Variants in STARD13 observed in about 807,000 individuals in gnomAD.
The protein encoded by STARD13 is StAR related lipid transfer domain containing 13.
In STARD13, 62 loss-of-function variants were observed where a neutral mutation model predicts 106.4. The ratio of observed to expected loss-of-function variants is 0.58; its 90% CI spans 0.48 to 0.72. STARD13 has a LOEUF of 0.72. STARD13 is among the 30% of genes least tolerant of loss of function. The pLI, the probability that STARD13 is intolerant of heterozygous loss-of-function variation, is 0.00. For missense variants in STARD13, 1,387 were observed against 1,424.0 expected (o/e 0.97, Z 0.42); for synonymous variants, 565 against 553.0 (o/e 1.02, Z -0.31).
chr13:33,145,456 A>G (rs1175891860), intron 3 of STARD13, among the ~76,000 whole-genome samples: 1 of 152,222 alleles, frequency 6.6e-6, no homozygotes, highest in Admixed American at 6.5e-5. Context: ...TTAGTACTTG[A>G]TCTAGCAATT....
Position 33,126,112 on chromosome 13 carries a change from A to G in STARD13, c.2051T>C (p.Leu684Pro). 6.2e-7 allele frequency: 1 copy of G among 1,614,144 alleles called. No individual in the cohort carries two copies. The highest frequency in any genetic ancestry group is 8.5e-7 in the Non-Finnish European group (1 of 1,180,020). The change falls in exon 7 of 14, where the codon CTG becomes CCG. Residue 684 changes from leucine to proline, a missense_variant. By Grantham distance (98) the Leu-to-Pro change is moderately conservative. Coordinates refer to ENST00000336934, the MANE Select transcript of STARD13 (RefSeq NM_178006.4). Reference sequence around the variant, plus strand: ...GAGGCAGTTGCTGCGTAGATATCTCAGTGCTTGCTGAATACTTTGAGGCAG... The same window carrying G: ...GAGGCAGTTGCTGCGTAGATATCTCGGTGCTTGCTGAATACTTTGAGGCAG... ...QPLPQSIQQA[L>P]RYLRSNCLDQ... is the part of the protein sequence containing the mutation.
chr13:33,177,556 T>C (rs533215739), intron 1 of STARD13, among the ~76,000 whole-genome samples: 8 of 152,176 alleles, frequency 5.3e-5, no homozygotes, highest in Non-Finnish European at 1.2e-4. Flanking sequence ...GGGATATCAC[T>C]GGATTTTAGC....
the STARD13 span, among the ~76,000 whole-genome samples, chr13:33,627,864 A>G: frequency 6.6e-6 from 1 of 152,120 alleles, no homozygotes; most frequent in Admixed American, 6.5e-5. Flanking sequence ...CAGCAACCAC[A>G]ATAGTGAGAT....
At chr13:33,357,556 T>A in the STARD13 span, among the ~76,000 whole-genome samples, 1 of 152,204 alleles carries the variant, frequency 6.6e-6, no homozygotes, top group Non-Finnish European at 1.5e-5. Context: ...CAGCAGCTAC[T>A]CTTTAGAAAA....
the STARD13 span, among the ~76,000 whole-genome samples, chr13:33,607,679 T>G: frequency 6.6e-6 from 1 of 152,186 alleles, no homozygotes; most frequent in East Asian, 1.9e-4. Flanking sequence ...AAAAAATTCA[T>G]TCTTGATATT....
At chr13:33,640,904 A>C in the STARD13 span, among the ~76,000 whole-genome samples, 1 of 152,252 alleles carries the variant, frequency 6.6e-6, no homozygotes, top group Non-Finnish European at 1.5e-5. Context: ...GGTCACTGAT[A>C]TGAGGCACAT....
At chr13:33,397,089 A>C in the STARD13 span, among the ~76,000 whole-genome samples, 429 of 152,350 alleles carry the variant, frequency 2.8e-3, no homozygotes, top group Admixed American at 4.6e-3. Flanking sequence ...CCTTGAGTCC[A>C]TTGGGATTCA....
the STARD13 span, among the ~76,000 whole-genome samples, chr13:33,399,465 C>T: frequency 2.4e-4 from 36 of 152,048 alleles, no homozygotes; most frequent in African/African-American, 4.6e-4. Flanking sequence ...GAGGCCGAGG[C>T]GGGTGGATCA....
At chr13:33,313,928 T>C (rs1357600774) in intron 1 of STARD13, among the ~76,000 whole-genome samples, 1 of 152,162 alleles carries the variant, frequency 6.6e-6, no homozygotes, top group Non-Finnish European at 1.5e-5. Context: ...TCTCTGACCT[T>C]CTTTGGGCTA....
At chr13:33,664,906 G>T in the STARD13 span, among the ~76,000 whole-genome samples, 1 of 152,164 alleles carries the variant, frequency 6.6e-6, no homozygotes. Context: ...GATTACAGGC[G>T]TGAGCCACTA....
chr13:33,555,200 T>G, the STARD13 span, among the ~76,000 whole-genome samples: 1 of 152,368 alleles, frequency 6.6e-6, no homozygotes, highest in African/African-American at 2.4e-5. Context: ...GCCCTCTCAA[T>G]CCATTCCTCT....
At chr13:33,382,495 A>G in the STARD13 span, among the ~76,000 whole-genome samples, 1 of 152,074 alleles carries the variant, frequency 6.6e-6, no homozygotes, top group Non-Finnish European at 1.5e-5. Context: ...TTATTTGTTT[A>G]CTGTTGGTCC....
exon 1 of STARD13, chr13:33,350,600 C>T: frequency 1.4e-6 from 2 of 1,384,544 alleles, no homozygotes; most frequent in South Asian, 1.6e-5. Context: ...ACCGGGATGC[C>T]TGGCCACCAG....
chr13:33,568,014 A>G, the STARD13 span, among the ~76,000 whole-genome samples: 1 of 144,524 alleles, frequency 6.9e-6, no homozygotes, highest in Admixed American at 7.1e-5. Flanking sequence ...TTTTATGGAT[A>G]ATGGTATTTA....
At chr13:33,175,321 T>A (rs1594041808) in intron 1 of STARD13, among the ~76,000 whole-genome samples, 2 of 152,158 alleles carry the variant, frequency 1.3e-5, no homozygotes, top group East Asian at 3.8e-4. Context: ...CCCAAGAGAT[T>A]CTTCAAGATG....
intron 1 of STARD13, among the ~76,000 whole-genome samples, chr13:33,179,433 A>C (rs1431862561): frequency 6.6e-6 from 1 of 152,214 alleles, no homozygotes; most frequent in African/African-American, 2.4e-5. Flanking sequence ...GGAGCACAGC[A>C]TTTGCTACTA....
chr13:33,111,755 G>A (rs752250567), intron 10 of STARD13, 23 bp downstream of exon 10: 18 of 1,468,412 alleles, frequency 1.2e-5, no homozygotes, highest in Admixed American at 6.7e-5. Flanking sequence ...CTAGGGAGGC[G>A]GAGGTTCGAG....
chr13:33,169,802 C>A (rs1234411650), intron 1 of STARD13, among the ~76,000 whole-genome samples: 2 of 152,162 alleles, frequency 1.3e-5, no homozygotes, highest in Admixed American at 6.5e-5. Context: ...AGAGTTCGCA[C>A]CCCTCCAGCC....
At chr13:33,133,943 TG>T (rs1566013620) in intron 4 of STARD13, among the ~76,000 whole-genome samples, 1 of 150,968 alleles carries the variant, frequency 6.6e-6, no homozygotes, top group Non-Finnish European at 1.5e-5. Flanking sequence ...AGATTTCATC[TG>T]TTTGATAATT....
Sources: allele counts gnomAD v4.1 joint callset (sites outside exome capture counted in the v4.1 genomes callset), GRCh38; gene constraint gnomAD v4.1.1; transcripts MANE v1.5; gene names NCBI Gene and HGNC (gene_info 2026-07-23, HGNC 2026-07-21).